CCM2: variants seen among roughly 807,000 people sequenced by gnomAD.
CCM2 encodes the protein CCM2 scaffold protein, also known as cerebral cavernous malformations 2 protein.
Under a neutral mutation model 44.9 loss-of-function variants are expected in CCM2, and 25 were observed. The ratio of observed to expected loss-of-function variants is 0.56; its 90% confidence interval spans 0.41 to 0.78. The LOEUF is 0.78. Ranked by LOEUF, CCM2 falls within the 30% of genes least tolerant of loss-of-function variation. CCM2 has a pLI of 0.00. For synonymous variants in CCM2, 219 were observed against 241.1 expected (o/e 0.91, Z 0.85); for missense variants, 481 against 580.6 (o/e 0.83, Z 1.76).
intron 1 of CCM2, among the ~76,000 whole-genome samples, chr7:45,034,234 G>A (rs1264282789): frequency 1.3e-5 from 2 of 151,218 alleles, no homozygotes; most frequent in Admixed American, 6.6e-5. Context: ...GTTTTGAGAC[G>A]GAGTCTCTCT....
chr7:45,052,722 T>C (rs1295866940), intron 2 of CCM2, among the ~76,000 whole-genome samples: 1 of 152,216 alleles, frequency 6.6e-6, no homozygotes, highest in African/African-American at 2.4e-5. Context: ...TACCACAATT[T>C]ATCCACCATA....
Position 45,068,315 on chromosome 7 carries a change from G to A in CCM2, c.473-128G>A, listed in dbSNP as rs1383615291. On this transcript the variant is annotated intron_variant, in intron 4 of 9. Coordinates refer to ENST00000258781, the MANE Select transcript of CCM2 (RefSeq NM_031443.4). ...CTGGTGCAGGCCCTTCACCTGAGTCGTTCTGTGGGTGCCTGAGCCAGGTAA... is the reference window on the plus strand; with the variant it reads ...CTGGTGCAGGCCCTTCACCTGAGTCATTCTGTGGGTGCCTGAGCCAGGTAA... 4.9e-6 allele frequency: 6 copies of A among 1,226,872 alleles called. 1 individual carries two copies. Among genetic ancestry groups the A allele is most frequent in the South Asian group, 3.6e-5 (3 of 82,192 alleles). The allele number at this position is 1,226,872 out of a possible 1,614,324, so 76.0% of individuals were successfully genotyped here. A position where few individuals can be genotyped will look rare whatever the true frequency, so the allele number is the denominator to read the frequency against.
intron 2 of CCM2, among the ~76,000 whole-genome samples, chr7:45,040,897 C>T (rs532266716): frequency 1.3e-5 from 2 of 152,154 alleles, no homozygotes; most frequent in South Asian, 2.1e-4. Context: ...GGCTGAGGCA[C>T]GAGAATAGCT....
At chr7:45,027,687 T>C in intron 1 of CCM2, 5 of 1,614,108 alleles carry the variant, frequency 3.1e-6, no homozygotes, top group Non-Finnish European at 4.2e-6. Flanking sequence ...TTTCAACAAA[T>C]TCAGAAGTGA....
intron 2 of CCM2, among the ~76,000 whole-genome samples, chr7:45,043,317 A>C (rs1341440014): frequency 6.6e-6 from 1 of 152,240 alleles, no homozygotes; most frequent in Non-Finnish European, 1.5e-5. Context: ...ATACCAAACC[A>C]GACAAAAAAC....
chr7:45,016,895 A>C (rs780318139), intron 1 of CCM2, among the ~76,000 whole-genome samples: 1 of 152,136 alleles, frequency 6.6e-6, no homozygotes, highest in Non-Finnish European at 1.5e-5. Context: ...GGCCTTCCAA[A>C]GTGCTAGGAT....
intron 1 of CCM2, among the ~76,000 whole-genome samples, chr7:45,019,208 A>G (rs1321208730): frequency 2.0e-5 from 3 of 151,914 alleles, no homozygotes; most frequent in Non-Finnish European, 2.9e-5. Flanking sequence ...AGTAGCCGGG[A>G]CTACAGGCAT....
At position 45,063,983 on chromosome 7, in the gene CCM2, T is replaced by A; in HGVS notation, c.270T>A (p.His90Gln). ...LNPSSRTEILHFIDNAKRAHQ... is the reference protein window; with the variant it reads ...LNPSSRTEILQFIDNAKRAHQ... Reference sequence around the variant, plus strand: ...CCTCCAGTAGGACTGAAATCCTGCATTTCATAGACAATGCAAAGGTAACCC... The same window carrying A: ...CCTCCAGTAGGACTGAAATCCTGCAATTCATAGACAATGCAAAGGTAACCC... Residue 90 changes from histidine to glutamine, a missense_variant, in exon 3 of 10, where the codon CAT becomes CAA. By Grantham distance (24) the His-to-Gln change is conservative. Transcript: ENST00000258781. The A allele has an allele frequency of 6.2e-7, 1 of 1,612,132 alleles. No homozygotes were observed. The highest frequency in any genetic ancestry group is 8.5e-7 in the Non-Finnish European group (1 of 1,178,252).
At chr7:45,016,085 G>C (rs1301960639) in intron 1 of CCM2, among the ~76,000 whole-genome samples, 1 of 152,224 alleles carries the variant, frequency 6.6e-6, no homozygotes, top group Non-Finnish European at 1.5e-5. Flanking sequence ...TATTTGGAAA[G>C]GATACTTTAT....
At chr7:44,999,888 T>C (rs1335485886), upstream of CCM2, 8 of 363,786 alleles carry the variant, frequency 2.2e-5, no homozygotes, top group Non-Finnish European at 4.5e-5. Flanking sequence ...AGAAGCGAAG[T>C]AGGGGTAGGA....
intron 2 of CCM2, among the ~76,000 whole-genome samples, chr7:45,045,079 A>G (rs1194087829): frequency 3.3e-5 from 5 of 152,178 alleles, no homozygotes; most frequent in African/African-American, 1.2e-4. Flanking sequence ...ATACCTTTAC[A>G]TATGTCTAGC....
intron 2 of CCM2, among the ~76,000 whole-genome samples, chr7:45,053,966 A>G (rs1488008075): frequency 2.0e-5 from 3 of 152,210 alleles, no homozygotes; most frequent in African/African-American, 7.2e-5. Flanking sequence ...AGAGCCTGCC[A>G]GCAGTATCTG....
Position 45,057,609 on chromosome 7 carries a change from G to T in CCM2, c.205-6309G>T, listed in dbSNP as rs139117328. On this transcript the variant is annotated intron_variant, in intron 2 of 9. Transcript: ENST00000258781. ...TAAATGTAAGCAGTATCTACATTTG[G>T]TTTATATGAGCAGATAGGAAGAGGA... Among the ~76,000 whole-genome samples the T allele has an allele frequency of 1.1e-4, 17 of 152,244 alleles. No individual in the cohort carries two copies. The East Asian group carries it at 3.3e-3, about 29-fold the overall frequency.
chr7:45,032,113 G>A (rs1323616950), intron 1 of CCM2, among the ~76,000 whole-genome samples: 1 of 152,158 alleles, frequency 6.6e-6, no homozygotes, highest in African/African-American at 2.4e-5. Context: ...GGAGGCTGCA[G>A]CAGATGTGCA....
At chr7:45,034,316 A>C (rs1797107705) in intron 1 of CCM2, among the ~76,000 whole-genome samples, 1 of 151,270 alleles carries the variant, frequency 6.6e-6, no homozygotes, top group Non-Finnish European at 1.5e-5. Context: ...GATTCAAGCG[A>C]TTCTCCTTTC....
Position 45,038,443 on chromosome 7 carries a change from C to G in CCM2, c.204+17C>G. 1 of 1,613,358 alleles carries G rather than the reference C, an allele frequency of 6.2e-7. No homozygotes were observed. Among genetic ancestry groups the G allele is most frequent in the East Asian group, 2.2e-5 (1 of 44,880 alleles). On this transcript the variant is annotated intron_variant, in intron 2 of 9. Coordinates refer to ENST00000258781, the MANE Select transcript of CCM2 (RefSeq NM_031443.4). ...GAGGTAAAGGTAAGTCGTCATGGGC[C>G]ACAGGACGTGCCTGCCAAACGACAG...
In CCM2 at chr7:45,069,903, G is replaced by A. The variant is rs1170967524; in HGVS notation, c.687G>A (p.Leu229=). ...ACACGGAGTCCACCATCGACTTTCTGGACAGAGCGATATTTGATGGGGCCT... is the reference window on the plus strand; with the variant it reads ...ACACGGAGTCCACCATCGACTTTCTAGACAGAGCGATATTTGATGGGGCCT... The part of the protein sequence containing the change: ...VVYTESTIDF[L]DRAIFDGAST... The change falls in exon 6 of 10, where the codon CTG becomes CTA. Residue 229 remains leucine, a synonymous_variant. Coordinates refer to ENST00000258781, the MANE Select transcript of CCM2 (RefSeq NM_031443.4). The A allele has an allele frequency of 4.3e-6, 7 of 1,614,064 alleles. No individual in the cohort carries two copies. The highest frequency in any genetic ancestry group is 1.1e-5 in the South Asian group (1 of 91,088).
chr7:45,073,418 G>A (rs747837585), intron 7 of CCM2, 42 bp from the exon 8 acceptor site: 2 of 1,409,718 alleles, frequency 1.4e-6, no homozygotes, highest in Admixed American at 3.4e-5. Context: ...TGGGATGGAG[G>A]GTCGGGGAAG....
chr7:45,009,134 T>A (rs1449356745), intron 1 of CCM2, among the ~76,000 whole-genome samples: 2 of 151,684 alleles, frequency 1.3e-5, no homozygotes, highest in Admixed American at 6.6e-5. Flanking sequence ...AAATGCTATC[T>A]CTACAAAAAT....
Sources: allele counts gnomAD v4.1 joint callset (sites outside exome capture counted in the v4.1 genomes callset), GRCh38; gene constraint gnomAD v4.1.1; transcripts MANE v1.5; gene names NCBI Gene and HGNC (gene_info 2026-07-23, HGNC 2026-07-21).